The following HIBADH variants were observed in gnomAD, a reference collection of about 807,000 sequenced individuals.
HIBADH encodes 3-hydroxyisobutyrate dehydrogenase.
A neutral mutation model predicts 36.1 loss-of-function variants in HIBADH; 25 were observed. The ratio of observed to expected loss-of-function variants is 0.69; its 90% CI spans 0.50 to 0.97. The LOEUF (loss-of-function observed/expected upper bound fraction) is 0.97. Among genes scored for constraint, HIBADH ranks in the 50% least tolerant of loss-of-function variants. HIBADH has a pLI of 0.00. For synonymous variants in HIBADH, 160 were observed against 149.5 expected (o/e 1.07, Z -0.51); for missense variants, 421 against 418.0 (o/e 1.01, Z -0.06).
At chr7:27,646,524 T>C (rs939901533) in intron 2 of HIBADH, among the ~76,000 whole-genome samples, 2 of 151,668 alleles carry the variant, frequency 1.3e-5, no homozygotes, top group African/African-American at 4.8e-5. Flanking sequence ...ACATATAGAC[T>C]ATGTTTTCTG....
intron 4 of HIBADH, among the ~76,000 whole-genome samples, chr7:27,545,659 T>C (rs1213697515): frequency 6.6e-6 from 1 of 152,174 alleles, no homozygotes; most frequent in Non-Finnish European, 1.5e-5. Context: ...AAACACACAA[T>C]GCATACTCGG....
intron 4 of HIBADH, among the ~76,000 whole-genome samples, chr7:27,549,365 G>A (rs1296584374): frequency 6.6e-6 from 1 of 152,046 alleles, no homozygotes; most frequent in Non-Finnish European, 1.5e-5. Flanking sequence ...AAAATATGTT[G>A]TACATGCTAA....
At chr7:27,607,599 T>C (rs1237571680) in intron 4 of HIBADH, among the ~76,000 whole-genome samples, 1 of 152,222 alleles carries the variant, frequency 6.6e-6, no homozygotes. Flanking sequence ...AAAATTATCA[T>C]TTATTTTTAG....
At chr7:27,539,115 G>T (rs1304411220) in intron 5 of HIBADH, among the ~76,000 whole-genome samples, 1 of 152,072 alleles carries the variant, frequency 6.6e-6, no homozygotes, top group African/African-American at 2.4e-5. Context: ...GACACGGTAG[G>T]AAATAGGGAT....
At chr7:27,535,771 ACAT>A (rs1342902058) in intron 6 of HIBADH, among the ~76,000 whole-genome samples, 1 of 152,030 alleles carries the variant, frequency 6.6e-6, no homozygotes, top group South Asian at 2.1e-4. Flanking sequence ...TTTTTTAACA[ACAT>A]TTAAAAATTT....
chr7:27,604,017 G>A (rs1292945155), intron 4 of HIBADH, among the ~76,000 whole-genome samples: 1 of 151,772 alleles, frequency 6.6e-6, no homozygotes, highest in African/African-American at 2.4e-5. Flanking sequence ...TCAGTACATC[G>A]CCCCTCCTCC....
chr7:27,638,788 A>G (rs1268285696), intron 2 of HIBADH, among the ~76,000 whole-genome samples: 11 of 152,202 alleles, frequency 7.2e-5, no homozygotes, highest in Non-Finnish European at 1.5e-4. Flanking sequence ...AAAGGACATG[A>G]ACAGACACTT....
intron 1 of HIBADH, among the ~76,000 whole-genome samples, chr7:27,662,256 C>A (rs971797698): frequency 6.6e-6 from 1 of 152,114 alleles, no homozygotes; most frequent in African/African-American, 2.4e-5. Flanking sequence ...AAACATCAGG[C>A]CCTGCTGCCC....
chr7:27,632,179 C>T (rs527269911), intron 3 of HIBADH, among the ~76,000 whole-genome samples, 157 bp downstream of exon 3: 27 of 152,156 alleles, frequency 1.8e-4, no homozygotes, highest in Non-Finnish European at 3.2e-4. Context: ...AAAAAATAAG[C>T]CTTTTACAAT....
intron 2 of HIBADH, among the ~76,000 whole-genome samples, chr7:27,635,626 C>T (rs1402741144): frequency 6.6e-6 from 1 of 152,116 alleles, no homozygotes; most frequent in Non-Finnish European, 1.5e-5. Flanking sequence ...GTATGGTTCC[C>T]ATGAAAAGGG....
intron 4 of HIBADH, among the ~76,000 whole-genome samples, chr7:27,544,785 CATTT>C (rs1047360350): frequency 1.3e-5 from 2 of 152,124 alleles, no homozygotes; most frequent in African/African-American, 4.8e-5. Context: ...GCTTCGGAGT[CATTT>C]ATTTAAAAAA....
At chr7:27,636,672 T>C (rs1785846345) in intron 2 of HIBADH, among the ~76,000 whole-genome samples, 1 of 152,188 alleles carries the variant, frequency 6.6e-6, no homozygotes, top group South Asian at 2.1e-4. Flanking sequence ...CAGAATAAAC[T>C]CACACAGAAG....
intron 4 of HIBADH, among the ~76,000 whole-genome samples, chr7:27,593,831 T>A (rs1274295872): frequency 6.6e-6 from 1 of 151,802 alleles, no homozygotes; most frequent in Non-Finnish European, 1.5e-5. Flanking sequence ...AGAGTTCAAA[T>A]TAATATATAG....
intron 7 of HIBADH, among the ~76,000 whole-genome samples, chr7:27,529,635 G>A (rs1328868612): frequency 6.6e-6 from 1 of 152,218 alleles, no homozygotes; most frequent in Non-Finnish European, 1.5e-5. Context: ...AGCAAAGAAA[G>A]TGGTTTCTTG....
In HIBADH at chr7:27,531,200, T is replaced by G. The variant is rs754420248; in HGVS notation, c.844A>C (p.Met282Leu). ...GTCTACATTTACCATACCTTAGCCA[T>G]GAGTGTTGTTCCAAATCCACCCTGA... ...NYQGGFGTTL[M>L]AKDLGLAQDS... is the part of the protein sequence containing the mutation. Residue 282 changes from methionine (M) to leucine (L), a missense_variant, in exon 7 of 8, where the codon ATG (methionine) becomes CTG (leucine). By Grantham distance (15) the Met-to-Leu change is conservative (BLOSUM62 2). Coordinates refer to ENST00000265395, the MANE Select transcript of HIBADH (RefSeq NM_152740.4). The G allele has an allele frequency of 4.3e-6, 7 of 1,613,372 alleles. No homozygotes were observed. The highest frequency in any genetic ancestry group is 3.3e-4 in the Middle Eastern group (2 of 6,052).
intron 4 of HIBADH, among the ~76,000 whole-genome samples, chr7:27,547,518 A>C (rs189355782): frequency 1.3e-5 from 2 of 152,304 alleles, no homozygotes; most frequent in Admixed American, 6.5e-5. Flanking sequence ...GCTCTAGTAC[A>C]TAAGAGATTC....
chr7:27,656,365 CTAAT>C (rs1786303949), intron 1 of HIBADH, among the ~76,000 whole-genome samples: 1 of 152,034 alleles, frequency 6.6e-6, no homozygotes, highest in East Asian at 1.9e-4. Context: ...TCATTCATAA[CTAAT>C]TATATATTAA....
chr7:27,531,054 C>G, intron 7 of HIBADH, 138 bp downstream of exon 7: 3 of 827,036 alleles, frequency 3.6e-6, no homozygotes, highest in Non-Finnish European at 5.6e-6. Context: ...GGTTTTTACT[C>G]ATTTTCAGTG....
intron 4 of HIBADH, among the ~76,000 whole-genome samples, chr7:27,561,279 T>G (rs1453983650): frequency 6.6e-6 from 1 of 152,184 alleles, no homozygotes; most frequent in Non-Finnish European, 1.5e-5. Flanking sequence ...CATTCTCAGT[T>G]TCTTAAAAGT....
Sources: gnomAD v4.1 joint callset for allele counts (sites outside exome capture counted in the v4.1 genomes callset) on GRCh38, gnomAD v4.1.1 for gene constraint, MANE v1.5 for transcripts, NCBI Gene and HGNC (gene_info 2026-07-23, HGNC 2026-07-21) for gene names.